PCDH15: variants seen among roughly 807,000 people sequenced by gnomAD.
PCDH15 encodes the protein protocadherin-15.
A neutral mutation model predicts 178.5 loss-of-function variants in PCDH15; 129 were observed. The observed-to-expected ratio is 0.72, with a 90% CI of 0.63 to 0.84. PCDH15 has a LOEUF of 0.84. Among genes scored for constraint, PCDH15 ranks in the 40% least tolerant of loss-of-function variants. The pLI, the probability that PCDH15 is intolerant of heterozygous loss-of-function variation, is 0.00. For synonymous variants in PCDH15, 800 were observed against 732.0 expected (o/e 1.09, Z -1.50); for missense variants, 2,230 against 2,099.9 (o/e 1.06, Z -1.21).
At chr10:54,091,253 T>A (rs749133569) in intron 15 of PCDH15, among the ~76,000 whole-genome samples, 1 of 152,182 alleles carries the variant, frequency 6.6e-6, no homozygotes, top group Non-Finnish European at 1.5e-5. Flanking sequence ...GGGGGATATA[T>A]CTGATAAAGG....
chr10:54,639,234 G>T (rs74136235), intron 2 of PCDH15, among the ~76,000 whole-genome samples: 412 of 152,212 alleles, frequency 2.7e-3, no homozygotes, highest in African/African-American at 9.7e-3. Context: ...TTGCCACTTT[G>T]AAAGTTAATA....
At position 55,158,591 on chromosome 10, in the gene PCDH15, C is replaced by G. The variant is rs771501786; in HGVS notation, c.-80+7985G>C. ...ATAACAGCTGATTATAACTGACAGG[C>G]TTTCAGAGGGTCTGGGGTCAAAAAT... On this transcript the variant is annotated intron_variant, in intron 2 of 5. Coordinates refer to the PCDH15 transcript ENST00000458638. Among the ~76,000 whole-genome samples, 3 of 73,700 alleles carry G rather than the reference C, an allele frequency of 4.1e-5. No individual in the cohort carries two copies. The East Asian group carries it at 1.8e-3, about 45-fold the overall frequency. 48.4% of individuals were successfully genotyped at this position (73,700 alleles called of 152,430 possible). A position where few individuals can be genotyped will look rare whatever the true frequency, so the allele number is the denominator to read the frequency against.
intron 2 of PCDH15, among the ~76,000 whole-genome samples, chr10:55,427,181 A>C (rs930635392): frequency 1.3e-5 from 2 of 152,136 alleles, no homozygotes; most frequent in Admixed American, 6.6e-5. Flanking sequence ...ATTTAAAGTT[A>C]TAATCCGTAG....
intron 4 of PCDH15, among the ~76,000 whole-genome samples, chr10:54,375,548 T>A (rs994270105): frequency 1.3e-5 from 2 of 151,976 alleles, no homozygotes; most frequent in African/African-American, 4.8e-5. Flanking sequence ...GTGTCTTCCT[T>A]ATAAGCCAAA....
At chr10:55,390,911 G>A (rs1328302518) in intron 2 of PCDH15, among the ~76,000 whole-genome samples, 1 of 152,156 alleles carries the variant, frequency 6.6e-6, no homozygotes, top group Non-Finnish European at 1.5e-5. Context: ...CAGAGCACAG[G>A]TGTAGCAGAT....
intron 9 of PCDH15, among the ~76,000 whole-genome samples, chr10:54,226,182 G>C (rs1235896367): frequency 6.6e-6 from 1 of 152,226 alleles, no homozygotes; most frequent in Non-Finnish European, 1.5e-5. Flanking sequence ...AGTTCCACGT[G>C]GCTGGAGCCT....
At chr10:55,396,867 AGAAAGGTT>A (rs748309277) in intron 2 of PCDH15, among the ~76,000 whole-genome samples, 7 of 152,206 alleles carry the variant, frequency 4.6e-5, no homozygotes, top group Non-Finnish European at 7.3e-5. Flanking sequence ...GCAGTATTAG[AGAAAGGTT>A]GGGGTAAGTA....
At chr10:54,577,773 C>G (rs2090640514) in intron 2 of PCDH15, among the ~76,000 whole-genome samples, 1 of 151,890 alleles carries the variant, frequency 6.6e-6, no homozygotes, top group South Asian at 2.1e-4. Flanking sequence ...GGCACTAGTC[C>G]TCCCTCAGAA....
At chr10:54,877,936 C>CTTTTTTTTTTT (rs1954176789) in intron 3 of PCDH15, among the ~76,000 whole-genome samples, 5 of 104,350 alleles carry the variant, frequency 4.8e-5, no homozygotes, top group Non-Finnish European at 8.0e-5. Flanking sequence ...CTCTCTCTCT[C>CTTTTTTTTTTT]TCTTTTTTTT....
intron 1 of PCDH15, among the ~76,000 whole-genome samples, chr10:54,723,609 A>C (rs2132538558): frequency 6.6e-6 from 1 of 151,972 alleles, no homozygotes; most frequent in South Asian, 2.1e-4. Context: ...TTAAACAGAT[A>C]ACCTAAACAA....
chr10:55,097,153 C>A (rs1456629344), intron 2 of PCDH15, among the ~76,000 whole-genome samples: 5 of 152,088 alleles, frequency 3.3e-5, no homozygotes, highest in Non-Finnish European at 7.4e-5. Context: ...CTAAGCAAAG[C>A]ACTTACTAAC....
chr10:53,966,766 G>T (rs534061995), intron 21 of PCDH15, among the ~76,000 whole-genome samples: 1 of 151,214 alleles, frequency 6.6e-6, no homozygotes. Context: ...AGATATGATC[G>T]AAGTATTCTA....
intron 2 of PCDH15, among the ~76,000 whole-genome samples, chr10:55,326,340 C>T (rs1844030515): frequency 6.6e-6 from 1 of 152,020 alleles, no homozygotes. Context: ...ACCCAAATGC[C>T]CATCAACAGT....
chr10:54,726,988 G>T (rs1308931858), intron 1 of PCDH15, among the ~76,000 whole-genome samples: 1 of 147,898 alleles, frequency 6.8e-6, no homozygotes, highest in African/African-American at 2.5e-5. Context: ...AAATATTTTT[G>T]TGGGTATTAA....
intron 2 of PCDH15, among the ~76,000 whole-genome samples, chr10:55,428,654 A>C (rs1430180273): frequency 6.6e-6 from 1 of 151,898 alleles, no homozygotes; most frequent in Non-Finnish European, 1.5e-5. Context: ...TTTAGGGCTT[A>C]CTTTTTTATT....
intron 1 of PCDH15, among the ~76,000 whole-genome samples, chr10:55,173,377 G>T (rs942384087): frequency 6.6e-6 from 1 of 150,438 alleles, no homozygotes; most frequent in Non-Finnish European, 1.5e-5. Flanking sequence ...GGGTTAGGAA[G>T]ACTGTGCTTA....
chr10:54,651,625 G>C (rs1187092881), intron 2 of PCDH15, among the ~76,000 whole-genome samples: 2 of 152,132 alleles, frequency 1.3e-5, no homozygotes. Flanking sequence ...ACTCCACCTA[G>C]TCACTCAAAG....
At chr10:54,653,005 T>C (rs953858978) in intron 2 of PCDH15, among the ~76,000 whole-genome samples, 1 of 152,242 alleles carries the variant, frequency 6.6e-6, no homozygotes, top group Non-Finnish European at 1.5e-5. Flanking sequence ...TTTCTTATAA[T>C]TTTATTAATG....
intron 8 of PCDH15, among the ~76,000 whole-genome samples, chr10:54,241,509 A>G (rs1431904517): frequency 6.6e-6 from 1 of 152,156 alleles, no homozygotes; most frequent in East Asian, 1.9e-4. Context: ...GATTTCAACA[A>G]ATTTTTGTTA....
Sources: allele counts gnomAD v4.1 joint callset (sites outside exome capture counted in the v4.1 genomes callset), GRCh38; gene constraint gnomAD v4.1.1; transcripts MANE v1.5; gene names NCBI Gene and HGNC (gene_info 2026-07-23, HGNC 2026-07-21).